MTMR1: variants seen among roughly 807,000 people sequenced by gnomAD.
MTMR1 encodes the protein phosphatidylinositol-3-phosphate phosphatase MTMR1.
Under a neutral mutation model 51.6 loss-of-function variants are expected in MTMR1, and 17 were observed. The ratio of observed to expected loss-of-function variants is 0.33; its 90% CI spans 0.23 to 0.49. The LOEUF (loss-of-function observed/expected upper bound fraction) is 0.49. Among genes scored for constraint, MTMR1 ranks in the 20% least tolerant of loss-of-function variants. The pLI is 0.99. For missense variants in MTMR1, 386 were observed against 526.9 expected (o/e 0.73, Z 2.62); for synonymous variants, 201 against 205.6 (o/e 0.98, Z 0.19).
At chrX:150,759,706 C>G (rs1557417905) in intron 15 of MTMR1, among the ~76,000 whole-genome samples, 2 of 109,812 alleles carry the variant, frequency 1.8e-5, no homozygotes, top group African/African-American at 3.2e-5. Flanking sequence ...TGGTCAGGTT[C>G]TCACTCATGT....
chrX:150,740,555 C>T (rs782027543), intron 12 of MTMR1, among the ~76,000 whole-genome samples: 1 of 111,316 alleles, frequency 9.0e-6, no homozygotes, highest in East Asian at 2.8e-4. Context: ...ATATGGATAG[C>T]GAATCTGTGA....
chrX:150,727,052 A>G (rs2041961598), intron 4 of MTMR1, 163 bp from the exon 5 acceptor site: 3 of 319,302 alleles, frequency 9.4e-6, no homozygotes, highest in Admixed American at 5.8e-5. Context: ...TTATTAGAAG[A>G]CTATGCATCT....
chrX:150,698,453 C>T (rs1180292721), intron 1 of MTMR1, among the ~76,000 whole-genome samples: 1 of 111,156 alleles, frequency 9.0e-6, no homozygotes, highest in African/African-American at 3.3e-5. Context: ...CTTTGCTTCA[C>T]TCAAAAGTAC....
intron 14 of MTMR1, among the ~76,000 whole-genome samples, chrX:150,752,252 G>C (rs1452456882): frequency 9.0e-6 from 1 of 111,453 alleles, no homozygotes; most frequent in Non-Finnish European, 1.9e-5. Context: ...TATAAGCCTA[G>C]CTCAAGCCCC....
At chrX:150,718,081 C>G (rs1557416452) in intron 3 of MTMR1, among the ~76,000 whole-genome samples, 4 of 112,608 alleles carry the variant, frequency 3.6e-5, no homozygotes, top group Non-Finnish European at 7.5e-5. Flanking sequence ...GACACACACA[C>G]ACACACATAG....
At chrX:150,716,577 G>T (rs2148589946) in intron 3 of MTMR1, among the ~76,000 whole-genome samples, 1 of 112,506 alleles carries the variant, frequency 8.9e-6, no homozygotes, top group South Asian at 3.6e-4. Flanking sequence ...AGGTAACGAT[G>T]ATTCCTAATC....
At chrX:150,694,138 T>C (rs2040587429) in intron 1 of MTMR1, among the ~76,000 whole-genome samples, 1 of 110,944 alleles carries the variant, frequency 9.0e-6, no homozygotes. Flanking sequence ...GATGGGGGGT[T>C]GGGAGTGAGG....
In MTMR1 at chrX:150,764,868, T is replaced by G. The variant is rs7134; in HGVS notation, c.*2139T>G. The stretch of plus-strand genomic sequence containing the variant: ...TTTAAAAACTGGTACAGTATTGTAT[T>G]TGTCTCATCTGTTGCACTGTATTTC... On this transcript the variant is annotated 3_prime_UTR_variant, in exon 16 of 16. Transcript: ENST00000445323. 3 of 111,583 alleles carry G rather than the reference T, an allele frequency of 2.7e-5. No individual in the cohort carries two copies. The highest frequency in any genetic ancestry group is 3.8e-5 in the Non-Finnish European group (2 of 52,995). The allele number at this position is 111,583 out of a possible 1,213,427, so 9.2% of individuals were successfully genotyped here. A position where few individuals can be genotyped will look rare whatever the true frequency, so the allele number is the denominator to read the frequency against.
chrX:150,714,404 T>C (rs1300857828), intron 3 of MTMR1: 2 of 700,397 alleles, frequency 2.9e-6, no homozygotes, highest in Non-Finnish European at 4.0e-6. Context: ...AATTCTGTCC[T>C]TTCACCTGTC....
chrX:150,693,851 C>T (rs1272553620), intron 1 of MTMR1, among the ~76,000 whole-genome samples, 175 bp downstream of exon 1: 1 of 110,198 alleles, frequency 9.1e-6, no homozygotes, highest in Admixed American at 9.4e-5. Flanking sequence ...CCTCAGCGCC[C>T]CATCCGGGGA....
intron 1 of MTMR1, among the ~76,000 whole-genome samples, chrX:150,694,408 G>T (rs1439103043): frequency 1.8e-5 from 2 of 111,637 alleles, no homozygotes; most frequent in Admixed American, 9.5e-5. Context: ...CGCCTCCTCC[G>T]ACGACAAGAG....
intron 1 of MTMR1, among the ~76,000 whole-genome samples, chrX:150,698,979 G>A (rs1438846308): frequency 9.0e-6 from 1 of 110,613 alleles, no homozygotes. Flanking sequence ...AACTTTGTTT[G>A]AGAAAATTGG....
intron 2 of MTMR1, among the ~76,000 whole-genome samples, chrX:150,710,065 A>C (rs1184176127): frequency 1.8e-5 from 2 of 112,333 alleles, no homozygotes; most frequent in African/African-American, 6.5e-5. Context: ...AGAGAGGTGG[A>C]GGAAGGGTTA....
At position 150,759,767 on chromosome X, in the gene MTMR1, C is replaced by T. The variant is rs782080920; in HGVS notation, c.1858-2798C>T. On this transcript the variant is annotated intron_variant, in intron 15 of 15. Transcript: ENST00000445323. Reference sequence around the variant, plus strand: ...ATGATGATGGAAACCACAGCGACAGCGCCTATAACCTGCAGTCCTCTTGTG... The same window carrying T: ...ATGATGATGGAAACCACAGCGACAGTGCCTATAACCTGCAGTCCTCTTGTG... Among the ~76,000 whole-genome samples the T allele has an allele frequency of 1.3e-3, 145 of 110,254 alleles. 2 individuals carry two copies. The highest frequency in any genetic ancestry group is 3.8e-3 in the African/African-American group (117 of 30,995).
rs1194398627 is a variant in MTMR1, at chrX:150,736,797, C to T, written c.1266+17C>T. 1 of 1,163,501 alleles carries T rather than the reference C, an allele frequency of 8.6e-7. No individual in the cohort carries two copies. Among genetic ancestry groups the T allele is most frequent in the Admixed American group, 2.5e-5 (1 of 40,558 alleles). On this transcript the variant is annotated intron_variant, in intron 11 of 15. Coordinates refer to ENST00000445323, the MANE Select transcript of MTMR1 (RefSeq NM_001306144.3). ...TATATAAGGGTAAAGAGATCCAGCA[C>T]TTTATATGCTTTCCAGTTAAGACTT...
intron 6 of MTMR1, among the ~76,000 whole-genome samples, chrX:150,728,667 G>A (rs1473130833): frequency 9.0e-6 from 1 of 110,853 alleles, no homozygotes; most frequent in Non-Finnish European, 1.9e-5. Context: ...CCTAATTGAT[G>A]TATTTTATTC....
intron 2 of MTMR1, among the ~76,000 whole-genome samples, chrX:150,702,475 A>G (rs2040950547): frequency 8.9e-6 from 1 of 112,138 alleles, no homozygotes; most frequent in African/African-American, 3.2e-5. Context: ...CTGAATAATT[A>G]GCAACTCAGA....
intron 4 of MTMR1, among the ~76,000 whole-genome samples, chrX:150,720,615 A>T (rs902801435): frequency 8.9e-6 from 1 of 111,760 alleles, no homozygotes; most frequent in Admixed American, 9.5e-5. Context: ...GTATGAGCAT[A>T]CCTTTTCTTT....
intron 6 of MTMR1, among the ~76,000 whole-genome samples, chrX:150,728,152 TATA>T (rs1321992455): frequency 8.9e-6 from 1 of 112,196 alleles, no homozygotes; most frequent in Non-Finnish European, 1.9e-5. Context: ...GTATATTGCT[TATA>T]ATAACTAATA....
Sources: gnomAD v4.1 joint callset for allele counts (sites outside exome capture counted in the v4.1 genomes callset) on GRCh38, gnomAD v4.1.1 for gene constraint, MANE v1.5 for transcripts, NCBI Gene and HGNC (gene_info 2026-07-23, HGNC 2026-07-21) for gene names.